C18orf63: variants seen among roughly 807,000 people sequenced by gnomAD.
C18orf63 encodes chromosome 18 open reading frame 63, also known as uncharacterized protein C18orf63.
In C18orf63, 50 loss-of-function variants were observed where a neutral mutation model predicts 75.3. The ratio of observed to expected loss-of-function variants is 0.66; its 90% CI spans 0.53 to 0.84. C18orf63 has a LOEUF of 0.84. C18orf63 is among the 40% of genes least tolerant of loss of function. The pLI is 0.00. For missense variants in C18orf63, 732 were observed against 800.2 expected (o/e 0.91, Z 1.03); for synonymous variants, 232 against 267.6 (o/e 0.87, Z 1.30).
chr18:74,335,333 A>G (rs1984374349), intron 7 of C18orf63, among the ~76,000 whole-genome samples: 1 of 152,146 alleles, frequency 6.6e-6, no homozygotes, highest in Non-Finnish European at 1.5e-5. Context: ...CTATTTAGAC[A>G]AATTTTGAAG....
chr18:74,329,046 A>G lies in C18orf63; in HGVS notation c.424+10A>G. On this transcript the variant is annotated intron_variant, in intron 6 of 13. Transcript: ENST00000579455. ...AAACAAAGTGCTGTTGGTAAGTAAAAATGCATAAGTCAATAGATAAAACAA... is the reference window on the plus strand; with the variant it reads ...AAACAAAGTGCTGTTGGTAAGTAAAGATGCATAAGTCAATAGATAAAACAA... The G allele has an allele frequency of 6.8e-7, 1 of 1,468,208 alleles. No individual in the cohort carries two copies. Among genetic ancestry groups the G allele is most frequent in the Non-Finnish European group, 9.2e-7 (1 of 1,085,226 alleles). The allele number at this position is 1,468,208 out of a possible 1,614,324, so 90.9% of individuals were successfully genotyped here. A position where few individuals can be genotyped will look rare whatever the true frequency, so the allele number is the denominator to read the frequency against.
In C18orf63 at chr18:74,353,240, T is replaced by A; in HGVS notation, c.979-6T>A. 1 of 1,526,302 alleles carries A rather than the reference T, an allele frequency of 6.6e-7. No homozygotes were observed. Among genetic ancestry groups the A allele is most frequent in the Non-Finnish European group, 8.8e-7 (1 of 1,139,632 alleles). 94.5% of individuals were successfully genotyped at this position (1,526,302 alleles called of 1,614,324 possible). A position where few individuals can be genotyped will look rare whatever the true frequency, so the allele number is the denominator to read the frequency against. On this transcript the variant is annotated splice_polypyrimidine_tract_variant and splice_region_variant and intron_variant, in intron 11 of 13. Transcript: ENST00000579455. ...TAAATTTTTTTTTAATCTCTATCCT[T>A]TTCAGGAACACAAAGTCAAGCCACC...
chr18:74,355,203 A>C (rs1259711696), intron 13 of C18orf63, among the ~76,000 whole-genome samples: 1 of 152,236 alleles, frequency 6.6e-6, no homozygotes, highest in Non-Finnish European at 1.5e-5. Context: ...TTTCTTTTCC[A>C]ACTGCTATTT....
At position 74,338,734 on chromosome 18, in the gene C18orf63, C is replaced by A; in HGVS notation, c.521C>A (p.Ser174Tyr). Residue 174 changes from serine (S) to tyrosine (Y), a missense_variant, in exon 8 of 14, where the codon TCC (serine) becomes TAC (tyrosine). Ser to Tyr is a moderately radical substitution (Grantham distance 144). This residue lies in a region of C18orf63 where 233 missense variants were observed against 272.7 expected (regional missense o/e 0.85). Transcript: ENST00000579455. ...PAPELKEFEISQSIIKDFHAN... is the reference protein window; with the variant it reads ...PAPELKEFEIYQSIIKDFHAN... ...TAAAAGCTAAAAGAGTTTGAGATTTCCCAGAGTATTATAAAGGATTTTCAT... is the reference window on the plus strand; with the variant it reads ...TAAAAGCTAAAAGAGTTTGAGATTTACCAGAGTATTATAAAGGATTTTCAT... 1 of 1,371,654 alleles carries A rather than the reference C, an allele frequency of 7.3e-7. No individual in the cohort carries two copies. Among genetic ancestry groups the A allele is most frequent in the Non-Finnish European group, 9.5e-7 (1 of 1,047,324 alleles). 85.0% of individuals were successfully genotyped at this position (1,371,654 alleles called of 1,614,324 possible).
At chr18:74,345,197 A>G (rs1023893059) in intron 11 of C18orf63, among the ~76,000 whole-genome samples, 5 of 151,154 alleles carry the variant, frequency 3.3e-5, no homozygotes, top group Admixed American at 1.3e-4. Flanking sequence ...TTGAAATGCC[A>G]TTCTTTCATT....
intron 5 of C18orf63, 56 bp from the exon 6 acceptor site, chr18:74,328,939 C>G: frequency 1.1e-6 from 1 of 942,590 alleles, no homozygotes; most frequent in South Asian, 1.4e-5. Context: ...TTATAAATAT[C>G]AAGCATGATT....
In C18orf63 at chr18:74,342,272, A is replaced by G; in HGVS notation, c.740A>G (p.Lys247Arg). 1 of 1,533,700 alleles carries G rather than the reference A, an allele frequency of 6.5e-7. No individual in the cohort carries two copies. Among genetic ancestry groups the G allele is most frequent in the Non-Finnish European group, 8.7e-7 (1 of 1,145,030 alleles). ...TATAAACTTCCAGGTGATTGTGGAA[A>G]AATTAAAATATACTGCAACATCTAT... The part of the protein sequence containing the change: ...YGYKLPGDCG[K>R]IKIYCNIYFK... Residue 247 changes from lysine (K) to arginine (R), a missense_variant, in exon 10 of 14, where the codon AAA becomes AGA. Coordinates refer to ENST00000579455, the MANE Select transcript of C18orf63 (RefSeq NM_001174123.2).
rs991514660 is a variant in C18orf63, at chr18:74,357,671, A to G, written c.*1224A>G. ...TACTAAACCATTGCAATTAAAAGCA[A>G]AAGTAAACAAACTCTCCTTCAAACG... On this transcript the variant is annotated 3_prime_UTR_variant, in exon 14 of 14. Transcript: ENST00000579455. 63 of 108,142 alleles carry G rather than the reference A, an allele frequency of 5.8e-4. No individual in the cohort carries two copies. The highest frequency in any genetic ancestry group is 1.6e-3 in the African/African-American group (53 of 33,828). 6.7% of individuals were successfully genotyped at this position (108,142 alleles called of 1,614,324 possible).
chr18:74,347,583 A>G, intron 11 of C18orf63, among the ~76,000 whole-genome samples: 1 of 152,184 alleles, frequency 6.6e-6, no homozygotes, highest in South Asian at 2.1e-4. Flanking sequence ...TACTTACTTC[A>G]GAGGGGTTTT....
chr18:74,325,169 T>C (rs1984187639), intron 4 of C18orf63, among the ~76,000 whole-genome samples: 1 of 152,192 alleles, frequency 6.6e-6, no homozygotes. Context: ...TGTTTTGTAA[T>C]ATAGAGACAT....
rs1340160839 is a variant in C18orf63 at position 74,338,801 on chromosome 18, C to T, written c.588C>T (p.Ser196=). Reference sequence around the variant, plus strand: ...TCATTGAGAGACATTCCATTTTAAGCAACTGGTGCTACGTTTTGCCAAGGT... The same window carrying T: ...TCATTGAGAGACATTCCATTTTAAGTAACTGGTGCTACGTTTTGCCAAGGT... ...HAVIERHSIL[S]NWCYVLPSMK... Residue 196 remains serine, a synonymous_variant, in exon 8 of 14, where the codon AGC becomes AGT. Coordinates refer to ENST00000579455, the MANE Select transcript of C18orf63 (RefSeq NM_001174123.2). 2.1e-6 allele frequency: 3 copies of T among 1,406,898 alleles called. No homozygotes were observed. Among genetic ancestry groups the T allele is most frequent in the South Asian group, 1.6e-5 (1 of 62,764 alleles). The allele number at this position is 1,406,898 out of a possible 1,614,324, so 87.2% of individuals were successfully genotyped here.
At chr18:74,317,780 G>T in intron 1 of C18orf63, 54 bp from the exon 2 acceptor site, 1 of 1,031,536 alleles carries the variant, frequency 9.7e-7, no homozygotes, top group South Asian at 2.5e-5. Context: ...ACTTGGTATT[G>T]GAACTCTATT....
At chr18:74,334,628 A>G (rs564414991) in intron 7 of C18orf63, among the ~76,000 whole-genome samples, 7 of 151,974 alleles carry the variant, frequency 4.6e-5, no homozygotes, top group African/African-American at 1.7e-4. Flanking sequence ...TTTTTCTTTC[A>G]TAGTTATTAG....
intron 8 of C18orf63, among the ~76,000 whole-genome samples, chr18:74,340,182 TA>T (rs879448607): frequency 3.9e-5 from 6 of 152,058 alleles, no homozygotes; most frequent in Non-Finnish European, 8.8e-5. Flanking sequence ...AACCTGATTT[TA>T]AAATGGGCAA....
intron 4 of C18orf63, among the ~76,000 whole-genome samples, chr18:74,326,386 T>C (rs1984208060): frequency 6.6e-6 from 1 of 152,224 alleles, no homozygotes; most frequent in Admixed American, 6.5e-5. Flanking sequence ...GATGTTTATA[T>C]GCCAAACAGC....
chr18:74,352,881 G>A (rs1362871), intron 11 of C18orf63, among the ~76,000 whole-genome samples: 79,216 of 152,048 alleles, frequency 0.52, 21,202 homozygotes, highest in Middle Eastern at 0.6. Flanking sequence ...ATGGGTGGGA[G>A]AAGGTGGGAC....
intron 11 of C18orf63, among the ~76,000 whole-genome samples, chr18:74,347,614 CAT>C (rs1056970736): frequency 9.2e-5 from 14 of 152,264 alleles, no homozygotes; most frequent in African/African-American, 3.1e-4. Context: ...TGAGATAACA[CAT>C]AGAAAAGTTT....
rs1478396377 is a variant in C18orf63, at chr18:74,353,752, T to G, written c.1485T>G (p.Ile495Met). ...PAIKNRYSSN[I>M]QMQAANNLNQ... ...TAAAAAACCGTTATAGTAGTAACAT[T>G]CAGATGCAGGCTGCTAACAATTTAA... The change falls in exon 12 of 14, where the codon ATT becomes ATG. Residue 495 changes from isoleucine to methionine, a missense_variant. Physicochemically the swap from Ile to Met is conservative, Grantham distance 10 (BLOSUM62 1). This residue lies in a region of C18orf63 where 495 missense variants were observed against 508.7 expected (regional missense o/e 0.97). Transcript: ENST00000579455. The G allele has an allele frequency of 1.3e-6, 2 of 1,536,026 alleles. No homozygotes were observed. The highest frequency in any genetic ancestry group is 2.4e-5 in the South Asian group (2 of 84,054).
At chr18:74,333,850 T>C (rs976306309) in intron 7 of C18orf63, among the ~76,000 whole-genome samples, 4 of 150,988 alleles carry the variant, frequency 2.6e-5, no homozygotes, top group African/African-American at 9.9e-5. Flanking sequence ...GGCAATAACA[T>C]TCCTCTCCTC....
Sources: gnomAD v4.1 joint callset for allele counts (sites outside exome capture counted in the v4.1 genomes callset) on GRCh38, gnomAD v4.1.1 for gene constraint, gnomAD v4.1.1 regional missense constraint, MANE v1.5 for transcripts, NCBI Gene and HGNC (gene_info 2026-07-23, HGNC 2026-07-21) for gene names.